PDGFD: variants seen among roughly 807,000 people sequenced by gnomAD.
PDGFD encodes the protein platelet derived growth factor D.
Under a neutral mutation model 44.7 loss-of-function variants are expected in PDGFD, and 30 were observed. The ratio of observed to expected loss-of-function variants is 0.67; its 90% CI spans 0.50 to 0.91. The LOEUF (loss-of-function observed/expected upper bound fraction) is 0.91, where lower values mean the gene tolerates loss of function less well. Among genes scored for constraint, PDGFD ranks in the 40% least tolerant of loss-of-function variants. PDGFD has a pLI of 0.00. For missense variants in PDGFD, 445 were observed against 457.8 expected (o/e 0.97, Z 0.25); for synonymous variants, 173 against 168.4 (o/e 1.03, Z -0.21).
chr11:103,928,808 C>T (rs1858357466), intron 5 of PDGFD, among the ~76,000 whole-genome samples: 1 of 152,052 alleles, frequency 6.6e-6, no homozygotes, highest in African/African-American at 2.4e-5. Context: ...GCTGCTAAAG[C>T]CCTGAAAATA....
At chr11:104,085,822 G>A (rs556584539) in intron 1 of PDGFD, among the ~76,000 whole-genome samples, 3 of 152,198 alleles carry the variant, frequency 2.0e-5, no homozygotes, top group African/African-American at 4.8e-5. Context: ...AGCCCTCTGC[G>A]CACACATGGG....
chr11:103,913,571 T>C (rs513765), intron 6 of PDGFD, among the ~76,000 whole-genome samples: 84,363 of 151,972 alleles, frequency 0.56, 24,431 homozygotes, highest in African/African-American at 0.72. Flanking sequence ...AATAGACACC[T>C]TAACATCACA....
chr11:104,110,933 A>G (rs1431868156), intron 1 of PDGFD, among the ~76,000 whole-genome samples: 1 of 152,218 alleles, frequency 6.6e-6, no homozygotes, highest in African/African-American at 2.4e-5. Flanking sequence ...TTTAATCATT[A>G]CATATGTTAC....
At chr11:103,955,298 A>C (rs1858826142) in intron 3 of PDGFD, among the ~76,000 whole-genome samples, 2 of 151,266 alleles carry the variant, frequency 1.3e-5, no homozygotes, top group African/African-American at 4.9e-5. Context: ...TGACCCACTG[A>C]GGGAAATCCA....
intron 1 of PDGFD, among the ~76,000 whole-genome samples, chr11:104,055,806 C>G (rs952151083): frequency 6.6e-6 from 1 of 152,034 alleles, no homozygotes; most frequent in African/African-American, 2.4e-5. Flanking sequence ...ATAATGGAAC[C>G]GTTGCCATAG....
chr11:103,923,096 T>G (rs1858250344), intron 6 of PDGFD, among the ~76,000 whole-genome samples: 1 of 152,202 alleles, frequency 6.6e-6, no homozygotes, highest in Admixed American at 6.5e-5. Flanking sequence ...ACGTAAAACA[T>G]ATTCAATAAA....
chr11:104,118,920 A>T (rs1223712452), intron 1 of PDGFD, among the ~76,000 whole-genome samples: 2 of 89,090 alleles, frequency 2.2e-5, no homozygotes, highest in Non-Finnish European at 4.0e-5. Context: ...TTATATACAT[A>T]ATATATTATT....
chr11:103,925,372 T>C (rs537932267), intron 6 of PDGFD, among the ~76,000 whole-genome samples: 1 of 152,330 alleles, frequency 6.6e-6, no homozygotes, highest in South Asian at 2.1e-4. Context: ...CAGTAATTCC[T>C]AACAATGATG....
rs182531670 is a variant in PDGFD at position 104,004,132 on chromosome 11, T to C, written c.125-3877A>G. Among the ~76,000 whole-genome samples, 3 of 152,294 alleles carry C rather than the reference T, an allele frequency of 2.0e-5. No homozygotes were observed. In the East Asian group the frequency reaches 5.8e-4, roughly 29 times the overall value. ...AAACATCATTAAAGTCTACACTGTC[T>C]TAAAGGTATTAACTCTGGTTATAAA... On this transcript the variant is annotated intron_variant, in intron 1 of 6. Transcript: ENST00000393158.
At chr11:104,014,069 A>T (rs722355) in intron 1 of PDGFD, among the ~76,000 whole-genome samples, 1 of 151,984 alleles carries the variant, frequency 6.6e-6, no homozygotes, top group South Asian at 2.1e-4. Flanking sequence ...AAATAGAAAA[A>T]ATGGAAATGA....
chr11:103,929,288 T>C (rs985420190), intron 5 of PDGFD, among the ~76,000 whole-genome samples: 1 of 152,128 alleles, frequency 6.6e-6, no homozygotes, highest in Non-Finnish European at 1.5e-5. Context: ...AGTAAGCCAT[T>C]AGTTGAAGGA....
At chr11:104,082,900 T>C (rs924830359) in intron 1 of PDGFD, among the ~76,000 whole-genome samples, 2 of 152,204 alleles carry the variant, frequency 1.3e-5, no homozygotes, top group African/African-American at 4.8e-5. Flanking sequence ...ATTACAGGCA[T>C]GAGCCCCTAC....
At chr11:104,155,332 A>G (rs747648507) in intron 1 of PDGFD, among the ~76,000 whole-genome samples, 1 of 152,152 alleles carries the variant, frequency 6.6e-6, no homozygotes, top group Non-Finnish European at 1.5e-5. Context: ...ACTGGGCTAT[A>G]ATATAGTTAT....
intron 1 of PDGFD, among the ~76,000 whole-genome samples, chr11:104,032,525 A>T (rs1860145023): frequency 6.6e-6 from 1 of 152,150 alleles, no homozygotes; most frequent in Non-Finnish European, 1.5e-5. Context: ...TTACATAGTG[A>T]CATTTATGTA....
At chr11:103,921,605 A>C (rs908290575) in intron 6 of PDGFD, among the ~76,000 whole-genome samples, 12 of 120,558 alleles carry the variant, frequency 1.0e-4, no homozygotes, top group Non-Finnish European at 1.7e-4. Context: ...ACTGAAAAGT[A>C]AAAAAAAAAA....
At chr11:103,993,288 G>C (rs1175512009) in intron 3 of PDGFD, among the ~76,000 whole-genome samples, 4 of 151,864 alleles carry the variant, frequency 2.6e-5, no homozygotes, top group Non-Finnish European at 5.9e-5. Context: ...TGTTGCCCAG[G>C]CTGGACTTAA....
intron 3 of PDGFD, among the ~76,000 whole-genome samples, chr11:103,976,681 T>A (rs1859190264): frequency 6.6e-6 from 1 of 152,154 alleles, no homozygotes; most frequent in Non-Finnish European, 1.5e-5. Flanking sequence ...TAAATAGCTC[T>A]TATTATTGAG....
chr11:104,045,409 A>T (rs901185117), intron 1 of PDGFD, among the ~76,000 whole-genome samples: 1 of 152,160 alleles, frequency 6.6e-6, no homozygotes, highest in Non-Finnish European at 1.5e-5. Context: ...AAGAAGATTC[A>T]TACTACAGCT....
chr11:104,103,067 A>C (rs953020765), intron 1 of PDGFD, among the ~76,000 whole-genome samples: 1 of 151,946 alleles, frequency 6.6e-6, no homozygotes, highest in African/African-American at 2.4e-5. Context: ...ACCCTACACT[A>C]CAAAGCTTCA....
Sources: allele counts gnomAD v4.1 joint callset (sites outside exome capture counted in the v4.1 genomes callset), GRCh38; gene constraint gnomAD v4.1.1; transcripts MANE v1.5; gene names NCBI Gene and HGNC (gene_info 2026-07-23, HGNC 2026-07-21).